FAT2: variants seen among roughly 807,000 people sequenced by gnomAD.
FAT2 encodes the protein FAT atypical cadherin 2.
Under a neutral mutation model 295.3 loss-of-function variants are expected in FAT2, and 150 were observed. The ratio of observed to expected loss-of-function variants is 0.51; its 90% CI spans 0.44 to 0.58. FAT2 has a LOEUF of 0.58. FAT2 is among the 20% of genes least tolerant of loss of function. The probability of loss-of-function intolerance (pLI) is 0.00; values close to 1 mark genes in which losing one functional copy is unlikely to be tolerated. For synonymous variants in FAT2, 2,026 were observed against 2,150.3 expected (o/e 0.94, Z 1.60); for missense variants, 4,868 against 5,442.7 (o/e 0.89, Z 3.32).
At chr5:151,586,381 G>A (rs949716572) in intron 1 of FAT2, among the ~76,000 whole-genome samples, 1 of 152,192 alleles carries the variant, frequency 6.6e-6, no homozygotes. Context: ...GGTCTTGCAG[G>A]GGCCGCCCAG....
At position 151,541,923 on chromosome 5, in the gene FAT2, G is replaced by A. The variant is rs76868657; in HGVS notation, c.8842+362C>T. Reference sequence around the variant, plus strand: ...TAGGACACTCTCCATAAAGACAGTCGCTTGACAGAATTTTCAAGGATCATG... The same window carrying A: ...TAGGACACTCTCCATAAAGACAGTCACTTGACAGAATTTTCAAGGATCATG... On this transcript the variant is annotated intron_variant, in intron 10 of 23. Transcript: ENST00000261800. 9.7e-3 allele frequency among the ~76,000 whole-genome samples: 1,482 copies of A among 152,294 alleles called. 21 individuals are homozygous for A. The highest frequency in any genetic ancestry group is 0.033 in the African/African-American group (1,380 of 41,552).
At position 151,534,620 on chromosome 5, in the gene FAT2, G is replaced by A. The variant is rs767338162; in HGVS notation, c.9216C>T (p.Ala3072=). The A allele has an allele frequency of 9.3e-6, 15 of 1,612,574 alleles. No homozygotes were observed. Among genetic ancestry groups the A allele is most frequent in the Admixed American group, 8.3e-5 (5 of 60,004 alleles). The change falls in exon 13 of 24, where the codon GCC becomes GCT. Residue 3072 remains alanine (A), a synonymous_variant. Transcript: ENST00000261800. ...ACACATCCTTCCTTTCTCGGTCTAG[G>A]GCAGTGAGTGTGGTCAGCTCCCCTG... is the stretch of plus-strand genomic sequence containing the variant. ...PHTGELTTLT[A]LDRERKDVFN... is the part of the protein sequence containing the mutation.
At chr5:151,580,577 C>T (rs1758910799) in intron 1 of FAT2, among the ~76,000 whole-genome samples, 1 of 152,196 alleles carries the variant, frequency 6.6e-6, no homozygotes, top group Non-Finnish European at 1.5e-5. Context: ...GTGGGAGGGT[C>T]CCTTAACACA....
In FAT2 at chr5:151,543,069, T is replaced by A. The variant is rs1254313852; in HGVS notation, c.8058A>T (p.Val2686=). The A allele has an allele frequency of 1.2e-6, 2 of 1,614,076 alleles. No homozygotes were observed. The highest frequency in any genetic ancestry group is 3.3e-5 in the Admixed American group (2 of 60,006). The change falls in exon 10 of 24, where the codon GTA becomes GTT. Residue 2686 remains valine, a synonymous_variant. Coordinates refer to ENST00000261800, the MANE Select transcript of FAT2 (RefSeq NM_001447.3). ...AAGGTTCAGAAAATTTCGGTAAGGATACTTTTTTAGGAACCACCTGAAGTC... is the reference window on the plus strand; with the variant it reads ...AAGGTTCAGAAAATTTCGGTAAGGAAACTTTTTTAGGAACCACCTGAAGTC... The part of the protein sequence containing the change: ...PVRLQVVPKK[V]SLPKFSEPLY...
chr5:151,563,510 G>T lies in FAT2; in HGVS notation c.3389C>A (p.Ala1130Asp), dbSNP rs1331585852. ...VTEVYIEVTD[A>D]NDNPPQMSQA... Reference sequence around the variant, plus strand: ...GGACATCTGGGGTGGGTTGTCATTGGCATCCGTAACCTCGATGTAGACTTC... The same window carrying T: ...GGACATCTGGGGTGGGTTGTCATTGTCATCCGTAACCTCGATGTAGACTTC... Residue 1130 changes from alanine (A) to aspartate (D), a missense_variant, in exon 3 of 24, where the codon GCC becomes GAC. This residue lies in a region of FAT2 where 3,297 missense variants were observed against 3,669.4 expected (regional missense o/e 0.90). Coordinates refer to ENST00000261800, the MANE Select transcript of FAT2 (RefSeq NM_001447.3). 1 of 1,614,148 alleles carries T rather than the reference G, an allele frequency of 6.2e-7. No individual in the cohort carries two copies. The highest frequency in any genetic ancestry group is 8.5e-7 in the Non-Finnish European group (1 of 1,180,022).
At chr5:151,551,096 T>A (rs535638494) in intron 7 of FAT2, among the ~76,000 whole-genome samples, 60 of 152,170 alleles carry the variant, frequency 3.9e-4, no homozygotes, top group Admixed American at 7.9e-4. Context: ...GAAGGGCCTT[T>A]CCATCAAGTG....
chr5:151,565,705 C>A lies in FAT2; in HGVS notation c.3227G>T (p.Gly1076Val), dbSNP rs772579836. 52 of 1,368,320 alleles carry A rather than the reference C, an allele frequency of 3.8e-5. No homozygotes were observed. The highest frequency in any genetic ancestry group is 4.9e-5 in the Non-Finnish European group (50 of 1,024,992). 84.8% of individuals were successfully genotyped at this position (1,368,320 alleles called of 1,614,324 possible). The change falls in exon 2 of 24, where the codon GGA becomes GTA. Residue 1076 changes from glycine to valine, a missense_variant. Coordinates refer to ENST00000261800, the MANE Select transcript of FAT2 (RefSeq NM_001447.3). ...ELQYFLRAGT[G>V]LAAFSINQDT... ...TTGGTTGATGCTGAAGGCTGCGAGTCCAGTGCCAGCACGCAGGAAGTACTG... is the reference window on the plus strand; with the variant it reads ...TTGGTTGATGCTGAAGGCTGCGAGTACAGTGCCAGCACGCAGGAAGTACTG...
In FAT2 at chr5:151,543,743, G is replaced by A. The variant is rs199842636; in HGVS notation, c.7384C>T (p.Arg2462Ter). 3.7e-6 allele frequency: 6 copies of A among 1,614,148 alleles called. No homozygotes were observed. The highest frequency in any genetic ancestry group is 1.7e-5 in the Admixed American group (1 of 60,014). The change falls in exon 10 of 24, where the codon CGA becomes TGA. Residue 2462 changes from arginine to a stop codon, truncating the protein, a stop_gained. Coordinates refer to ENST00000261800, the MANE Select transcript of FAT2 (RefSeq NM_001447.3). LOFTEE classifies it high-confidence loss of function. ...TTGATGTACACAGGCACAGTTGCTC[G>A]GAAGACTCCATCAGAAGCACCTACC... is the stretch of plus-strand genomic sequence containing the variant. ...LRVGASDGVF[R>*]ATVPVYINTT...
At position 151,568,226 on chromosome 5, in the gene FAT2, ACCCATTGCCCTC is replaced by A. The variant is rs1561878183; in HGVS notation, c.694_705del (p.Glu232_Gly235del). ...ACCACAAGTGCAGCCAGGCTGCCAA[ACCCATTGCCCTC>A]AGAGATTTTCCGCATGCGGTCCACA... On this transcript the variant is annotated inframe_deletion, in exon 2 of 24. Coordinates refer to ENST00000261800, the MANE Select transcript of FAT2 (RefSeq NM_001447.3). 6.2e-7 allele frequency: 1 copy of A among 1,614,016 alleles called. No individual in the cohort carries two copies. Among genetic ancestry groups the A allele is most frequent in the Non-Finnish European group, 8.5e-7 (1 of 1,179,948 alleles).
At chr5:151,520,805 G>A (rs1331815382) in intron 19 of FAT2, among the ~76,000 whole-genome samples, 1 of 152,104 alleles carries the variant, frequency 6.6e-6, no homozygotes, top group Non-Finnish European at 1.5e-5. Flanking sequence ...ACCAGACTAT[G>A]GTAATAATAG....
In FAT2 at chr5:151,553,229, C is replaced by T. The variant is rs763754244; in HGVS notation, c.4104G>A (p.Val1368=). The T allele has an allele frequency of 3.7e-6, 6 of 1,614,244 alleles. No individual in the cohort carries two copies. Among genetic ancestry groups the T allele is most frequent in the Non-Finnish European group, 5.1e-6 (6 of 1,180,046 alleles). Residue 1368 remains valine (V), a synonymous_variant, in exon 6 of 24, where the codon GTG becomes GTA. Coordinates refer to ENST00000261800, the MANE Select transcript of FAT2 (RefSeq NM_001447.3). ...GTCTGCCCTCTACGCTGATGACCCC[C>T]ACCATGTGGTTCACAGGGTCCGTCT... The part of the protein sequence containing the change: ...VMETDPVNHM[V]GVISVEGRPG...
In FAT2 at chr5:151,589,760, G is replaced by A. The variant is rs549388137; in HGVS notation, c.-21+1405C>T. On this transcript the variant is annotated intron_variant, in intron 1 of 23. Transcript: ENST00000261800. The stretch of plus-strand genomic sequence containing the variant: ...AAAAACATTTTTTTTAATTAGCCAG[G>A]TGTGGTGGTGTTTGTCTGTGGTCCT... Among the ~76,000 whole-genome samples the A allele has an allele frequency of 3.9e-5, 6 of 152,266 alleles. No individual in the cohort carries two copies. In the South Asian group the frequency reaches 8.3e-4, roughly 21 times the overall value.
chr5:151,573,375 G>A (rs1377387641), intron 1 of FAT2, among the ~76,000 whole-genome samples: 1 of 152,212 alleles, frequency 6.6e-6, no homozygotes, highest in Non-Finnish European at 1.5e-5. Context: ...AAACTTTCAG[G>A]CCAGGCGCAG....
At chr5:151,519,559 T>A (rs552869961) in intron 19 of FAT2, among the ~76,000 whole-genome samples, 9 of 152,170 alleles carry the variant, frequency 5.9e-5, no homozygotes, top group African/African-American at 2.2e-4. Context: ...CGTGGAAATA[T>A]GTATTTTAAA....
chr5:151,535,795 A>G (rs1353442464), intron 12 of FAT2, among the ~76,000 whole-genome samples: 3 of 152,236 alleles, frequency 2.0e-5, no homozygotes, highest in Non-Finnish European at 1.5e-5. Flanking sequence ...CACTATCTCC[A>G]GGTAGATAGT....
upstream of FAT2, among the ~76,000 whole-genome samples, chr5:151,593,235 G>A (rs193221129): frequency 1.7e-4 from 26 of 152,368 alleles, no homozygotes; most frequent in East Asian, 5.0e-3. Flanking sequence ...ATTAACCAGA[G>A]GAAGGGTGGC....
intron 12 of FAT2, among the ~76,000 whole-genome samples, chr5:151,535,205 C>G (rs1755134900): frequency 6.6e-6 from 1 of 151,732 alleles, no homozygotes; most frequent in African/African-American, 2.4e-5. Context: ...TGGCTCCTGC[C>G]CGTAACTCCC....
chr5:151,540,648 T>A lies in FAT2; in HGVS notation c.8958A>T (p.Ala2986=), dbSNP rs746867894. Residue 2986 remains alanine (A), a synonymous_variant, in exon 11 of 24, where the codon GCA becomes GCT. Coordinates refer to ENST00000261800, the MANE Select transcript of FAT2 (RefSeq NM_001447.3). ...HTAKYLLRVT[A]SDGKFQASVT... ...CCGAAGCCTGGAACTTGCCATCAGATGCTGTGACTCTGAGCAAGTACTTGG... is the reference window on the plus strand; with the variant it reads ...CCGAAGCCTGGAACTTGCCATCAGAAGCTGTGACTCTGAGCAAGTACTTGG... 1.9e-6 allele frequency: 3 copies of A among 1,614,178 alleles called. No individual in the cohort carries two copies. Among genetic ancestry groups the A allele is most frequent in the Non-Finnish European group, 2.5e-6 (3 of 1,180,032 alleles).
At chr5:151,553,121 C>T (rs2127626338) in intron 6 of FAT2, 56 bp downstream of exon 6, 1 of 1,537,200 alleles carries the variant, frequency 6.5e-7, no homozygotes, top group Non-Finnish European at 9.0e-7. Flanking sequence ...AAAACTAGAG[C>T]TGGTGTATAA....
Sources: gnomAD v4.1 joint callset for allele counts (sites outside exome capture counted in the v4.1 genomes callset) on GRCh38, gnomAD v4.1.1 for gene constraint, gnomAD v4.1.1 regional missense constraint, MANE v1.5 for transcripts, NCBI Gene and HGNC (gene_info 2026-07-23, HGNC 2026-07-21) for gene names.